Variants in ARHGAP10 observed in about 807,000 individuals in gnomAD.
ARHGAP10 encodes Rho GTPase activating protein 10.
ARHGAP10 carries 87 observed loss-of-function variants against 108.6 expected under a neutral mutation model. The ratio of observed to expected loss-of-function variants is 0.80; its 90% confidence interval spans 0.67 to 0.96. The LOEUF (loss-of-function observed/expected upper bound fraction) is 0.96, where lower values mean the gene tolerates loss of function less well. Ranked by LOEUF, ARHGAP10 falls within the 40% of genes least tolerant of loss-of-function variation. The pLI, the probability that ARHGAP10 is intolerant of heterozygous loss-of-function variation, is 0.00. For missense variants in ARHGAP10, 939 were observed against 954.5 expected (o/e 0.98, Z 0.21); for synonymous variants, 347 against 341.1 (o/e 1.02, Z -0.19).
chr4:147,994,185 T>A (rs897824524), intron 18 of ARHGAP10, among the ~76,000 whole-genome samples: 5 of 152,260 alleles, frequency 3.3e-5, no homozygotes, highest in African/African-American at 7.2e-5. Context: ...TGATGCATAG[T>A]GTTTCAGTCA....
intron 18 of ARHGAP10, among the ~76,000 whole-genome samples, chr4:147,991,355 A>G (rs1740269055): frequency 6.6e-6 from 1 of 152,104 alleles, no homozygotes; most frequent in Admixed American, 6.5e-5. Flanking sequence ...TCATAAGAGA[A>G]AAAGACACAG....
intron 22 of ARHGAP10, 43 bp from the exon 23 acceptor site, chr4:148,071,950 C>CT: frequency 6.3e-7 from 1 of 1,575,980 alleles, no homozygotes; most frequent in Non-Finnish European, 8.7e-7. Flanking sequence ...GAGGCAAGTA[C>CT]TTGGGGGCAT....
intron 3 of ARHGAP10, among the ~76,000 whole-genome samples, chr4:147,827,784 A>T (rs950307604): frequency 6.6e-6 from 1 of 152,012 alleles, no homozygotes. Context: ...GGTTCCAAGG[A>T]TTTCATAGTG....
intron 18 of ARHGAP10, among the ~76,000 whole-genome samples, chr4:147,980,250 C>T (rs1560857006): frequency 1.3e-5 from 2 of 151,922 alleles, no homozygotes; most frequent in African/African-American, 4.8e-5. Flanking sequence ...ATCATAAAGA[C>T]ATATTGGATT....
At chr4:147,944,753 T>C (rs1038611643) in intron 14 of ARHGAP10, among the ~76,000 whole-genome samples, 4 of 152,164 alleles carry the variant, frequency 2.6e-5, no homozygotes, top group Admixed American at 2.6e-4. Flanking sequence ...AATAGTCTTT[T>C]CCATGAACCT....
At chr4:147,857,720 G>T (rs1302701447) in intron 5 of ARHGAP10, 66 bp downstream of exon 5, 9 of 1,277,438 alleles carry the variant, frequency 7.0e-6, no homozygotes, top group Non-Finnish European at 8.2e-6. Flanking sequence ...TTTTAAAAAT[G>T]TGCTTTAATT....
At chr4:147,735,148 A>T (rs1728367389) in intron 1 of ARHGAP10, among the ~76,000 whole-genome samples, 1 of 152,210 alleles carries the variant, frequency 6.6e-6, no homozygotes, top group African/African-American at 2.4e-5. Flanking sequence ...TTTAGCACCT[A>T]TAATTTGCTA....
chr4:148,053,195 T>A (rs567260756), intron 20 of ARHGAP10, among the ~76,000 whole-genome samples: 102 of 152,304 alleles, frequency 6.7e-4, no homozygotes, highest in African/African-American at 1.4e-3. Context: ...ACAGGTGAGT[T>A]TGACCCCTCA....
intron 8 of ARHGAP10, among the ~76,000 whole-genome samples, chr4:147,876,545 A>G (rs1196519704): frequency 1.3e-5 from 2 of 152,118 alleles, no homozygotes; most frequent in Non-Finnish European, 2.9e-5. Flanking sequence ...GTGAGCCAAG[A>G]TCGCGCCACT....
At chr4:148,048,053 C>G (rs1728966530) in intron 20 of ARHGAP10, among the ~76,000 whole-genome samples, 1 of 152,134 alleles carries the variant, frequency 6.6e-6, no homozygotes, top group Non-Finnish European at 1.5e-5. Flanking sequence ...AGACTCCTGA[C>G]CTCAAGTGAT....
At position 147,870,018 on chromosome 4, in the gene ARHGAP10, G is replaced by C. The variant is rs1437009441; in HGVS notation, c.702+3202G>C. 1.5e-4 allele frequency among the ~76,000 whole-genome samples: 22 copies of C among 151,496 alleles called. No homozygotes were observed. In the East Asian group the frequency reaches 2.1e-3, roughly 15 times the overall value. ...CCAGTTTGTGTGTGTGTGTGTGTGT[G>C]TGTGTGTGTGTGTGTGTGTGTGTGT... On this transcript the variant is annotated intron_variant, in intron 7 of 22. Coordinates refer to ENST00000336498, the MANE Select transcript of ARHGAP10 (RefSeq NM_024605.4).
intron 18 of ARHGAP10, among the ~76,000 whole-genome samples, chr4:148,011,651 G>A (rs1445329489): frequency 6.6e-6 from 1 of 152,216 alleles, no homozygotes; most frequent in Non-Finnish European, 1.5e-5. Flanking sequence ...GGAAATCTGG[G>A]GCAGGGAGAT....
chr4:147,735,641 A>G (rs567832812), intron 1 of ARHGAP10, among the ~76,000 whole-genome samples: 1 of 152,192 alleles, frequency 6.6e-6, no homozygotes, highest in Non-Finnish European at 1.5e-5. Flanking sequence ...GAAGGCTGAC[A>G]TAATAGCAAA....
At chr4:147,909,608 A>G (rs1736649644) in intron 11 of ARHGAP10, 124 bp from the exon 12 acceptor site, 4 of 786,594 alleles carry the variant, frequency 5.1e-6, no homozygotes, top group South Asian at 3.7e-5. Flanking sequence ...TTCTTATTCT[A>G]TCACATTAAC....
At chr4:148,017,139 G>T (rs1001966650) in intron 18 of ARHGAP10, among the ~76,000 whole-genome samples, 3 of 152,034 alleles carry the variant, frequency 2.0e-5, no homozygotes, top group East Asian at 1.9e-4. Flanking sequence ...TACAAAAAGG[G>T]TCTGATCTAA....
intron 20 of ARHGAP10, among the ~76,000 whole-genome samples, chr4:148,058,447 T>C (rs28759001): frequency 0.013 from 1,947 of 152,354 alleles, 42 homozygotes; most frequent in African/African-American, 0.045. Flanking sequence ...TCAGTGCTTA[T>C]ACAGGCTGGA....
chr4:147,989,824 C>T (rs1181696985), intron 18 of ARHGAP10, among the ~76,000 whole-genome samples: 1 of 152,042 alleles, frequency 6.6e-6, no homozygotes, highest in African/African-American at 2.4e-5. Context: ...AGGATTAAGA[C>T]ATTAAAGCAA....
chr4:148,032,103 C>G lies in ARHGAP10; in HGVS notation c.1867+8690C>G, dbSNP rs141426299. Among the ~76,000 whole-genome samples the G allele has an allele frequency of 3.0e-4, 45 of 152,066 alleles. No homozygotes were observed. The East Asian group carries it at 7.9e-3, about 27-fold the overall frequency. Reference sequence around the variant, plus strand: ...CTGTTTTCTCCTCCCACTCCTCTCCCCTTCTTTCTTTATTAAAAATAATTT... The same window carrying G: ...CTGTTTTCTCCTCCCACTCCTCTCCGCTTCTTTCTTTATTAAAAATAATTT... On this transcript the variant is annotated intron_variant, in intron 19 of 22. Transcript: ENST00000336498.
At chr4:147,935,645 T>C (rs1737896817) in intron 13 of ARHGAP10, among the ~76,000 whole-genome samples, 1 of 152,216 alleles carries the variant, frequency 6.6e-6, no homozygotes, top group African/African-American at 2.4e-5. Context: ...TATTGGTTGG[T>C]TTATATCCTT....
Sources: gnomAD v4.1 joint callset for allele counts (sites outside exome capture counted in the v4.1 genomes callset) on GRCh38, gnomAD v4.1.1 for gene constraint, MANE v1.5 for transcripts, NCBI Gene and HGNC (gene_info 2026-07-23, HGNC 2026-07-21) for gene names.